The following EPHB1 variants were observed in gnomAD, a reference collection of about 807,000 sequenced individuals.
EPHB1 encodes EPH receptor B1.
EPHB1 carries 30 observed loss-of-function variants against 94.4 expected under a neutral mutation model. The ratio of observed to expected loss-of-function variants is 0.32; its 90% CI spans 0.24 to 0.43. The LOEUF (loss-of-function observed/expected upper bound fraction) is 0.43, where lower values mean the gene tolerates loss of function less well. Among genes scored for constraint, EPHB1 ranks in the 20% least tolerant of loss-of-function variants. EPHB1 has a pLI of 1.00. For missense variants in EPHB1, 1,055 were observed against 1,308.3 expected, an observed-to-expected ratio of 0.81 and a Z score of 2.99; for synonymous variants, 522 against 489.1, an observed-to-expected ratio of 1.07 and a Z score of -0.89.
intron 1 of EPHB1, among the ~76,000 whole-genome samples, chr3:134,817,163 G>A (rs2036288354): frequency 6.6e-6 from 1 of 152,088 alleles, no homozygotes; most frequent in African/African-American, 2.4e-5. Context: ...TGTAAACCAT[G>A]GACTATGGGC....
chr3:134,955,257 CT>C (rs1700213253), intron 3 of EPHB1, among the ~76,000 whole-genome samples: 2 of 34,178 alleles, frequency 5.9e-5, no homozygotes. Flanking sequence ...TCCCTCCCCC[CT>C]CCCCCAACCC....
chr3:134,980,401 CGAT>C (rs1178584590), intron 3 of EPHB1, among the ~76,000 whole-genome samples: 1 of 152,000 alleles, frequency 6.6e-6, no homozygotes, highest in Non-Finnish European at 1.5e-5. Flanking sequence ...CTGCCATACC[CGAT>C]TGGTTGAAGA....
rs78685072 is a variant in EPHB1, at chr3:134,905,178, G to A, written c.59-20638G>A. Among the ~76,000 whole-genome samples, 28 of 152,326 alleles carry A rather than the reference G, an allele frequency of 1.8e-4. No homozygotes were observed. The East Asian group carries it at 5.4e-3, about 29-fold the overall frequency. On this transcript the variant is annotated intron_variant, in intron 1 of 15. Transcript: ENST00000398015. ...TGCAGTGTTTCTTTAGAATACTCTT[G>A]TAAGTTGCAGGTAGAGAAGATTGGA...
intron 1 of EPHB1, among the ~76,000 whole-genome samples, chr3:134,835,457 G>A (rs1356561100): frequency 6.6e-6 from 1 of 152,214 alleles, no homozygotes; most frequent in African/African-American, 2.4e-5. Flanking sequence ...TGATGTGGAT[G>A]GTGCATCCAG....
chr3:134,801,159 C>T (rs969956117), intron 1 of EPHB1, among the ~76,000 whole-genome samples: 9 of 152,174 alleles, frequency 5.9e-5, no homozygotes, highest in Non-Finnish European at 1.3e-4. Flanking sequence ...GTTCAGACAA[C>T]CTCAACACTT....
intron 3 of EPHB1, among the ~76,000 whole-genome samples, chr3:135,061,617 T>C (rs1937511533): frequency 6.6e-6 from 1 of 152,112 alleles, no homozygotes; most frequent in Non-Finnish European, 1.5e-5. Flanking sequence ...TTAATTATAC[T>C]TTAAGTTTTA....
chr3:134,979,242 TC>T (rs113271237), intron 3 of EPHB1, among the ~76,000 whole-genome samples: 95,847 of 152,034 alleles, frequency 0.63, 32,033 homozygotes, highest in African/African-American at 0.83. Context: ...AGTGATTAGA[TC>T]TTTGGAAGCT....
chr3:134,975,259 G>A (rs540473584), intron 3 of EPHB1, among the ~76,000 whole-genome samples: 67 of 152,280 alleles, frequency 4.4e-4, no homozygotes, highest in African/African-American at 1.5e-3. Context: ...TATCTAATGA[G>A]CTGGGATCAG....
At chr3:135,182,986 CTTTCTTTTCT>C (rs755058104) in intron 10 of EPHB1, among the ~76,000 whole-genome samples, 1,323 of 110,540 alleles carry the variant, frequency 0.012, 27 homozygotes, top group African/African-American at 0.019. Flanking sequence ...TTTTCTTTTG[CTTTCTTTTCT>C]TTTCTTTTCT....
intron 2 of EPHB1, among the ~76,000 whole-genome samples, chr3:134,938,496 G>C (rs1242302311): frequency 1.3e-5 from 2 of 152,182 alleles, no homozygotes; most frequent in Non-Finnish European, 2.9e-5. Flanking sequence ...CATACCCAAG[G>C]GAGGGCCATG....
intron 3 of EPHB1, among the ~76,000 whole-genome samples, chr3:135,013,694 A>G (rs1400611019): frequency 1.8e-4 from 28 of 152,232 alleles, no homozygotes; most frequent in Non-Finnish European, 4.0e-4. Context: ...CTTATTTCCA[A>G]ATATATTCCC....
At chr3:134,797,990 C>T (rs1321648575) in intron 1 of EPHB1, among the ~76,000 whole-genome samples, 1 of 152,214 alleles carries the variant, frequency 6.6e-6, no homozygotes, top group African/African-American at 2.4e-5. Flanking sequence ...TCCCGCCTGC[C>T]TAGCTGGGTT....
At chr3:135,211,171 A>G (rs1034788459) in intron 12 of EPHB1, among the ~76,000 whole-genome samples, 8 of 152,220 alleles carry the variant, frequency 5.3e-5, no homozygotes, top group Non-Finnish European at 4.4e-5. Context: ...ACCACTTTAC[A>G]TAAAATGTAG....
chr3:135,099,112 A>G (rs73218211), intron 3 of EPHB1, among the ~76,000 whole-genome samples: 3 of 29,770 alleles, frequency 1.0e-4, no homozygotes, highest in Admixed American at 7.5e-4. Context: ...TGTTGTTGTT[A>G]TTATTATTAT....
At chr3:134,800,447 G>A (rs1221031465) in intron 1 of EPHB1, among the ~76,000 whole-genome samples, 1 of 152,186 alleles carries the variant, frequency 6.6e-6, no homozygotes, top group East Asian at 1.9e-4. Context: ...CCCAAAGAGG[G>A]GAATACCAGC....
chr3:135,211,492 T>C (rs1356874360), intron 12 of EPHB1, among the ~76,000 whole-genome samples: 2 of 152,224 alleles, frequency 1.3e-5, no homozygotes, highest in Non-Finnish European at 2.9e-5. Context: ...GCAATGCATT[T>C]CTTAGTTTTC....
At chr3:134,822,633 C>T (rs1306377290) in intron 1 of EPHB1, among the ~76,000 whole-genome samples, 1 of 152,174 alleles carries the variant, frequency 6.6e-6, no homozygotes, top group Non-Finnish European at 1.5e-5. Context: ...CCTGGAGAGG[C>T]TTTCTCTATG....
chr3:134,896,926 G>A (rs1158772871), intron 1 of EPHB1, among the ~76,000 whole-genome samples: 1 of 152,232 alleles, frequency 6.6e-6, no homozygotes, highest in Non-Finnish European at 1.5e-5. Context: ...CTGGATGGGG[G>A]TCCCTCCTGG....
intron 3 of EPHB1, among the ~76,000 whole-genome samples, chr3:135,006,736 A>G (rs1192187061): frequency 6.6e-6 from 1 of 152,252 alleles, no homozygotes; most frequent in Non-Finnish European, 1.5e-5. Context: ...GTAGGAATCC[A>G]AATATATCTA....
Sources: allele counts gnomAD v4.1 joint callset (sites outside exome capture counted in the v4.1 genomes callset), GRCh38; gene constraint gnomAD v4.1.1; transcripts MANE v1.5; gene names NCBI Gene and HGNC (gene_info 2026-07-23, HGNC 2026-07-21).